RIMS2: variants seen among roughly 807,000 people sequenced by gnomAD.
RIMS2 encodes the protein regulating synaptic membrane exocytosis protein 2.
In RIMS2, 59 loss-of-function variants were observed where a neutral mutation model predicts 174.4. That is an observed-to-expected ratio of 0.34 (90% CI 0.27 to 0.42). The LOEUF is 0.42. Among genes scored for constraint, RIMS2 ranks in the 10% least tolerant of loss-of-function variants. The probability of loss-of-function intolerance (pLI) is 1.00; values close to 1 mark genes in which losing one functional copy is unlikely to be tolerated. For missense variants in RIMS2, 1,620 were observed against 1,666.3 expected, an observed-to-expected ratio of 0.97 and a Z score of 0.48; for synonymous variants, 606 against 572.5, an observed-to-expected ratio of 1.06 and a Z score of -0.84.
intron 1 of RIMS2, among the ~76,000 whole-genome samples, chr8:103,608,427 G>C (rs1337132685): frequency 1.4e-5 from 2 of 144,302 alleles, no homozygotes; most frequent in Non-Finnish European, 3.1e-5. Context: ...AGTCTGCAGA[G>C]GTTACTGCTG....
chr8:103,916,601 G>A (rs574732929), intron 8 of RIMS2, 64 bp downstream of exon 11: 3 of 1,264,072 alleles, frequency 2.4e-6, no homozygotes, highest in South Asian at 3.2e-5. Context: ...TATGTAATGT[G>A]CCATTTAATA....
intron 19 of RIMS2, among the ~76,000 whole-genome samples, chr8:104,236,261 A>G (rs190779887): frequency 1.3e-5 from 2 of 152,038 alleles, no homozygotes; most frequent in Non-Finnish European, 2.9e-5. Context: ...GGTGACTGCT[A>G]GTTTCTCTCT....
chr8:104,194,393 A>G (rs1389452583), intron 19 of RIMS2, among the ~76,000 whole-genome samples: 2 of 152,216 alleles, frequency 1.3e-5, no homozygotes, highest in Non-Finnish European at 2.9e-5. Flanking sequence ...ATTTATAATC[A>G]ATGATAATTT....
At chr8:103,874,943 C>A (rs1371494491) in intron 3 of RIMS2, among the ~76,000 whole-genome samples, 1 of 152,050 alleles carries the variant, frequency 6.6e-6, no homozygotes. Flanking sequence ...CTAGCTCCAG[C>A]AAGCACCACA....
At chr8:103,869,481 AC>A (rs1164386988) in intron 3 of RIMS2, among the ~76,000 whole-genome samples, 1 of 151,838 alleles carries the variant, frequency 6.6e-6, no homozygotes, top group African/African-American at 2.4e-5. Flanking sequence ...ACAGGCACCC[AC>A]CACCACGCCC....
chr8:103,945,463 A>T (rs1330649411), intron 14 of RIMS2, among the ~76,000 whole-genome samples: 1 of 152,082 alleles, frequency 6.6e-6, no homozygotes, highest in Non-Finnish European at 1.5e-5. Context: ...CCTCATACCA[A>T]AGTCAGACAA....
At chr8:103,889,418 A>G (rs572811836) in intron 4 of RIMS2, among the ~76,000 whole-genome samples, 68 of 151,806 alleles carry the variant, frequency 4.5e-4, no homozygotes, top group Non-Finnish European at 6.5e-4. Flanking sequence ...TTTGTGCATA[A>G]TCTTTCAAAA....
chr8:103,643,455 G>T (rs1217763899), intron 1 of RIMS2, among the ~76,000 whole-genome samples: 2 of 152,000 alleles, frequency 1.3e-5, no homozygotes, highest in African/African-American at 4.8e-5. Context: ...AGAATGCCTT[G>T]TAATTTGTTA....
In RIMS2 at chr8:103,686,126, A is replaced by G. The variant is rs141712129; in HGVS notation, c.177-10960A>G. 2.6e-3 allele frequency among the ~76,000 whole-genome samples: 401 copies of G among 152,018 alleles called. 2 individuals are homozygous for G. The highest frequency in any genetic ancestry group is 5.4e-3 in the South Asian group (26 of 4,812). ...CTGTTTATAAAAATATTCATTTTCA[A>G]TTGTTCATTGCTACTAAATACACGT... On this transcript the variant is annotated intron_variant, in intron 1 of 23. Transcript: ENST00000504942.
intron 1 of RIMS2, among the ~76,000 whole-genome samples, chr8:103,530,614 A>G (rs1836582381): frequency 6.6e-6 from 1 of 152,202 alleles, no homozygotes; most frequent in Non-Finnish European, 1.5e-5. Context: ...TGGTGAAGCT[A>G]TATTAATATC....
chr8:104,180,378 T>A, intron 19 of RIMS2, among the ~76,000 whole-genome samples: 1 of 151,170 alleles, frequency 6.6e-6, no homozygotes, highest in East Asian at 1.9e-4. Flanking sequence ...TTTTTTTTAA[T>A]CTTTGCCAAT....
At chr8:104,082,790 G>T (rs2097448868) in intron 19 of RIMS2, among the ~76,000 whole-genome samples, 1 of 151,266 alleles carries the variant, frequency 6.6e-6, no homozygotes, top group Non-Finnish European at 1.5e-5. Flanking sequence ...TTTAATATCT[G>T]TATTACTTAT....
chr8:104,063,079 TATC>T (rs2097034048), intron 19 of RIMS2, among the ~76,000 whole-genome samples: 1 of 152,010 alleles, frequency 6.6e-6, no homozygotes, highest in African/African-American at 2.4e-5. Context: ...TATATTTTGT[TATC>T]AATTATTTGG....
intron 19 of RIMS2, among the ~76,000 whole-genome samples, chr8:104,109,908 TC>T (rs2131657346): frequency 6.6e-6 from 1 of 152,290 alleles, no homozygotes; most frequent in Non-Finnish European, 1.5e-5. Context: ...TAAATTGCCT[TC>T]ATTTTATTCA....
At chr8:103,598,198 A>G (rs962551782) in intron 1 of RIMS2, among the ~76,000 whole-genome samples, 1 of 152,298 alleles carries the variant, frequency 6.6e-6, no homozygotes, top group Non-Finnish European at 1.5e-5. Flanking sequence ...TTTAAATTCC[A>G]TCACAACTTT....
At position 103,961,061 on chromosome 8, in the gene RIMS2, A is replaced by G; in HGVS notation, c.2702-4A>G. ...TTTAATTATTGCTATTGTTTACTTT[A>G]TAGGGTCAAAGAGAATAAGTGATAG... On this transcript the variant is annotated splice_region_variant and splice_polypyrimidine_tract_variant and intron_variant, in intron 14 of 23. Coordinates refer to ENST00000504942, the Ensembl canonical transcript of RIMS2. 7.0e-7 allele frequency: 1 copy of G among 1,425,988 alleles called. No individual in the cohort carries two copies. Among genetic ancestry groups the G allele is most frequent in the Non-Finnish European group, 9.9e-7 (1 of 1,009,510 alleles). The allele number at this position is 1,425,988 out of a possible 1,614,324, so 88.3% of individuals were successfully genotyped here.
rs904423886 is a variant in RIMS2 at position 103,995,859 on chromosome 8, G to C, written c.3044+6438G>C. Among the ~76,000 whole-genome samples the C allele has an allele frequency of 4.6e-5, 7 of 151,916 alleles. 1 individual carries two copies. Among genetic ancestry groups the C allele is most frequent in the Middle Eastern group, 3.2e-3 (1 of 316 alleles). Reference sequence around the variant, plus strand: ...TAAACCTGATTTAAGGTGGTGGCAGGAGAAAAGGTAAAGGAGAGAAATCTG... The same window carrying C: ...TAAACCTGATTTAAGGTGGTGGCAGCAGAAAAGGTAAAGGAGAGAAATCTG... On this transcript the variant is annotated intron_variant, in intron 17 of 23. Coordinates refer to ENST00000504942, the Ensembl canonical transcript of RIMS2.
chr8:104,212,735 C>G (rs1325289220), intron 19 of RIMS2, among the ~76,000 whole-genome samples: 1 of 151,282 alleles, frequency 6.6e-6, no homozygotes, highest in Non-Finnish European at 1.5e-5. Flanking sequence ...TTTAAAAGGT[C>G]TTATAAACCA....
intron 1 of RIMS2, among the ~76,000 whole-genome samples, chr8:103,579,261 T>TCACA (rs1056517115): frequency 1.7e-5 from 1 of 59,778 alleles, no homozygotes; most frequent in Non-Finnish European, 3.9e-5. Flanking sequence ...TGTCTCTGTC[T>TCACA]CACACACACA....
Sources: allele counts gnomAD v4.1 joint callset (sites outside exome capture counted in the v4.1 genomes callset), GRCh38; gene constraint gnomAD v4.1.1; transcripts MANE v1.5; gene names NCBI Gene and HGNC (gene_info 2026-07-23, HGNC 2026-07-21).